Variants in MCOLN2 observed in about 807,000 individuals in gnomAD.
MCOLN2 encodes mucolipin TRP cation channel 2.
Under a neutral mutation model 67.5 loss-of-function variants are expected in MCOLN2, and 57 were observed. The observed-to-expected ratio is 0.84, with a 90% CI of 0.68 to 1.05. The LOEUF is 1.05. Among genes scored for constraint, MCOLN2 ranks in the 50% least tolerant of loss-of-function variants. MCOLN2 has a pLI of 0.00. For missense variants in MCOLN2, 620 were observed against 678.8 expected (o/e 0.91, Z 0.96); for synonymous variants, 246 against 233.3 (o/e 1.05, Z -0.50).
intron 11 of MCOLN2, among the ~76,000 whole-genome samples, chr1:84,932,459 C>G (rs758308778): frequency 3.3e-5 from 5 of 152,110 alleles, no homozygotes; most frequent in Non-Finnish European, 7.4e-5. Context: ...GTGATCCGCC[C>G]ACCTCAGCCT....
Position 84,983,770 on chromosome 1 carries a change from G to A in MCOLN2, c.77+13026C>T, listed in dbSNP as rs537445917. ...CGGCTCACTGCAACCTCCGCCTCCC[G>A]GGTTCAAGCAGTTCTCCTGCCTCAG... On this transcript the variant is annotated intron_variant, in intron 1 of 13. Transcript: ENST00000370608. Among the ~76,000 whole-genome samples the A allele has an allele frequency of 1.1e-3, 160 of 149,122 alleles. 1 individual carries two copies. The highest frequency in any genetic ancestry group is 1.9e-3 in the African/African-American group (76 of 39,980).
In MCOLN2 at chr1:84,996,918, GA is replaced by G. The variant is rs769973160; in HGVS notation, c.-47del. On this transcript the variant is annotated 5_prime_UTR_variant, in exon 1 of 14. Transcript: ENST00000370608. ...CCAGGGCTCTCGGGATTCGGAACAG[GA>G]AACACCGTTCACGGCCGACTCATTT... The G allele has an allele frequency of 5.8e-6, 9 of 1,545,268 alleles. No homozygotes were observed. The East Asian group carries it at 2.0e-4, about 35-fold the overall frequency.
At chr1:84,986,441 G>A (rs1056803290) in intron 1 of MCOLN2, among the ~76,000 whole-genome samples, 1 of 151,692 alleles carries the variant, frequency 6.6e-6, no homozygotes, top group African/African-American at 2.4e-5. Context: ...TACTAGGGAG[G>A]CTGAGGCAGG....
chr1:84,954,024 C>T (rs1312195805), intron 4 of MCOLN2, among the ~76,000 whole-genome samples: 5 of 152,178 alleles, frequency 3.3e-5, no homozygotes, highest in African/African-American at 9.7e-5. Context: ...AAGTGTTATT[C>T]CACAACTGCA....
chr1:84,959,012 T>G lies in MCOLN2; in HGVS notation c.238-310A>C, dbSNP rs150881805. Among the ~76,000 whole-genome samples, 721 of 152,336 alleles carry G rather than the reference T, an allele frequency of 4.7e-3. 5 individuals are homozygous for G. Among genetic ancestry groups the G allele is most frequent in the Middle Eastern group, 6.8e-3 (2 of 294 alleles). On this transcript the variant is annotated intron_variant, in intron 2 of 13. Coordinates refer to ENST00000370608, the MANE Select transcript of MCOLN2 (RefSeq NM_153259.4). ...TAAGTCTCAATCCATTTTTCTTATA[T>G]TTGGATTTCAAGTTAATTGTTTTCA...
intron 2 of MCOLN2, among the ~76,000 whole-genome samples, chr1:84,959,888 G>C (rs894376708): frequency 6.6e-6 from 1 of 152,114 alleles, no homozygotes; most frequent in South Asian, 2.1e-4. Flanking sequence ...ATACAATTCT[G>C]AACAATTCAG....
chr1:84,947,780 G>A (rs1016592582), intron 6 of MCOLN2, among the ~76,000 whole-genome samples: 1 of 151,374 alleles, frequency 6.6e-6, no homozygotes, highest in Non-Finnish European at 1.5e-5. Context: ...TCTGCCCTGG[G>A]GGCCAGTACT....
intron 13 of MCOLN2, among the ~76,000 whole-genome samples, chr1:84,928,886 G>T (rs1285188118): frequency 6.6e-6 from 1 of 151,944 alleles, no homozygotes; most frequent in South Asian, 2.1e-4. Context: ...CTTCCAAAAA[G>T]AAAAAACATA....
intron 1 of MCOLN2, among the ~76,000 whole-genome samples, chr1:84,966,427 TGTAA>T (rs1269572915): frequency 5.9e-5 from 9 of 152,118 alleles, no homozygotes; most frequent in Non-Finnish European, 1.0e-4. Context: ...GTGTATGAAT[TGTAA>T]GTGAGTGAGT....
chr1:84,953,181 G>A (rs1314854770), intron 4 of MCOLN2, among the ~76,000 whole-genome samples: 1 of 152,160 alleles, frequency 6.6e-6, no homozygotes, highest in Admixed American at 6.5e-5. Flanking sequence ...GAAGTATTTA[G>A]GGGCAAAGGA....
At chr1:84,952,054 T>C (rs1648510360) in intron 6 of MCOLN2, among the ~76,000 whole-genome samples, 189 bp downstream of exon 6, 1 of 151,978 alleles carries the variant, frequency 6.6e-6, no homozygotes, top group Non-Finnish European at 1.5e-5. Flanking sequence ...GCCACTGCAC[T>C]CCAGCCTGGG....
At chr1:84,962,510 T>C (rs975894794) in intron 2 of MCOLN2, among the ~76,000 whole-genome samples, 5 of 152,076 alleles carry the variant, frequency 3.3e-5, no homozygotes, top group Non-Finnish European at 7.4e-5. Flanking sequence ...GCCACTGCAC[T>C]CCAGCCTGGG....
Position 84,930,337 on chromosome 1 carries a change from C to G in MCOLN2, c.1543-658G>C, listed in dbSNP as rs76140154. ...TAGATGAGACCTCCCACTCCACACA[C>G]ACATTGGCAATGTAGACTCTGCTTG... On this transcript the variant is annotated intron_variant, in intron 12 of 13. Transcript: ENST00000370608. Among the ~76,000 whole-genome samples, 840 of 151,998 alleles carry G rather than the reference C, an allele frequency of 5.5e-3. 6 individuals are homozygous for G. Among genetic ancestry groups the G allele is most frequent in the African/African-American group, 0.02 (811 of 41,414 alleles).
chr1:84,969,228 A>G (rs1367994194), intron 1 of MCOLN2, among the ~76,000 whole-genome samples: 2 of 152,120 alleles, frequency 1.3e-5, no homozygotes, highest in Non-Finnish European at 2.9e-5. Flanking sequence ...AATCATTCAA[A>G]CCCAAAGAGG....
At chr1:84,930,459 C>T (rs925264426) in intron 12 of MCOLN2, among the ~76,000 whole-genome samples, 4 of 151,920 alleles carry the variant, frequency 2.6e-5, no homozygotes, top group African/African-American at 9.7e-5. Context: ...ACTCCCTCCC[C>T]TCATGCTTAA....
chr1:84,985,702 A>AC (rs1370123649), intron 1 of MCOLN2, among the ~76,000 whole-genome samples: 1 of 152,066 alleles, frequency 6.6e-6, no homozygotes, highest in Non-Finnish European at 1.5e-5. Flanking sequence ...TGCAAAAAAA[A>AC]CCAAAATTTA....
intron 3 of MCOLN2, among the ~76,000 whole-genome samples, 161 bp downstream of exon 3, chr1:84,958,368 G>A (rs1352370484): frequency 1.3e-5 from 2 of 152,204 alleles, no homozygotes; most frequent in African/African-American, 4.8e-5. Flanking sequence ...ACTCTTTTGT[G>A]TAGAAATGTA....
chr1:84,978,571 T>C (rs1276091225), intron 1 of MCOLN2, among the ~76,000 whole-genome samples: 2 of 152,112 alleles, frequency 1.3e-5, no homozygotes, highest in East Asian at 1.9e-4. Context: ...TATTGGATAC[T>C]ATGAGCAACT....
intron 1 of MCOLN2, among the ~76,000 whole-genome samples, chr1:84,988,814 C>T (rs1441956488): frequency 1.3e-5 from 2 of 152,160 alleles, no homozygotes; most frequent in African/African-American, 4.8e-5. Flanking sequence ...CCCACTCCTC[C>T]CATACCCTCT....
Sources: allele counts gnomAD v4.1 joint callset (sites outside exome capture counted in the v4.1 genomes callset), GRCh38; gene constraint gnomAD v4.1.1; transcripts MANE v1.5; gene names NCBI Gene and HGNC (gene_info 2026-07-23, HGNC 2026-07-21).